Variants in SATB2 observed in about 807,000 individuals in gnomAD.
SATB2 encodes DNA-binding protein SATB2.
Under a neutral mutation model 73.4 loss-of-function variants are expected in SATB2, and 1 was observed. The observed-to-expected ratio is 0.01, with a 90% CI of 0.00 to 0.06. The LOEUF (loss-of-function observed/expected upper bound fraction) is 0.06. SATB2 is among the 10% of genes least tolerant of loss of function. The pLI, the probability that SATB2 is intolerant of heterozygous loss-of-function variation, is 1.00. For synonymous variants in SATB2, 397 were observed against 367.0 expected (o/e 1.08, Z -0.93); for missense variants, 459 against 945.8 (o/e 0.49, Z 6.75).
chr2:199,380,287 AAGCAGAAGGAACCCCCTGATAG>A, intron 5 of SATB2, 55 bp downstream of exon 5: 1 of 1,557,200 alleles, frequency 6.4e-7, no homozygotes, highest in South Asian at 1.1e-5. Flanking sequence ...ACAGTTGTTT[AAGCAGAAGGAACCCCCTGATAG>A]AGAGTCTACC....
Position 199,315,949 on chromosome 2 carries a change from A to G in SATB2, c.1543-6992T>C, listed in dbSNP as rs868301667. 4.5e-4 allele frequency among the ~76,000 whole-genome samples: 69 copies of G among 152,234 alleles called. 1 individual carries two copies. Among genetic ancestry groups the G allele is most frequent in the African/African-American group, 1.5e-3 (64 of 41,484 alleles). On this transcript the variant is annotated intron_variant, in intron 9 of 10. Coordinates refer to ENST00000417098, the MANE Select transcript of SATB2 (RefSeq NM_001172509.2). ...TATCTCAGCAAATGAACAGTTCTTCAGGAGAATGACTCATAGATTCTTGCA... is the reference window on the plus strand; with the variant it reads ...TATCTCAGCAAATGAACAGTTCTTCGGGAGAATGACTCATAGATTCTTGCA...
chr2:199,288,011 G>A (rs2105736954), intron 10 of SATB2, among the ~76,000 whole-genome samples: 1 of 152,216 alleles, frequency 6.6e-6, no homozygotes, highest in East Asian at 1.9e-4. Context: ...TTCTTTTAGT[G>A]TGAATAAACA....
At chr2:199,363,332 C>T (rs1473905695) in intron 6 of SATB2, among the ~76,000 whole-genome samples, 2 of 152,198 alleles carry the variant, frequency 1.3e-5, no homozygotes, top group East Asian at 1.9e-4. Context: ...TCTATGAATC[C>T]GATATTTGTG....
intron 9 of SATB2, among the ~76,000 whole-genome samples, chr2:199,314,158 G>C (rs1687666872): frequency 6.6e-6 from 1 of 152,144 alleles, no homozygotes; most frequent in Non-Finnish European, 1.5e-5. Context: ...ATTCCCATCA[G>C]AACAGTTAGC....
intron 3 of SATB2, among the ~76,000 whole-genome samples, chr2:199,412,983 G>GC (rs567033680): frequency 6.6e-6 from 1 of 152,164 alleles, no homozygotes; most frequent in Non-Finnish European, 1.5e-5. Context: ...GTAAATAAAT[G>GC]CAAGTACTGT....
At chr2:199,299,054 T>C (rs1359628923) in intron 10 of SATB2, among the ~76,000 whole-genome samples, 1 of 152,192 alleles carries the variant, frequency 6.6e-6, no homozygotes, top group Non-Finnish European at 1.5e-5. Context: ...GTTTGGTTCA[T>C]GTACTAACGA....
intron 3 of SATB2, among the ~76,000 whole-genome samples, chr2:199,394,714 C>G (rs574196695): frequency 8.4e-4 from 128 of 152,118 alleles, no homozygotes; most frequent in African/African-American, 3.0e-3. Flanking sequence ...CAGAGTGAGA[C>G]CCTGCCTCTA....
At position 199,394,475 on chromosome 2, in the gene SATB2, A is replaced by G. The variant is rs1690241032; in HGVS notation, c.347-12655T>C. Among the ~76,000 whole-genome samples the G allele has an allele frequency of 2.0e-5, 3 of 152,160 alleles. No homozygotes were observed. The South Asian group carries it at 6.2e-4, about 32-fold the overall frequency. On this transcript the variant is annotated intron_variant, in intron 3 of 10. Transcript: ENST00000417098. ...AGAACTGTATGAGAGCTAATACTGT[A>G]GATTTCTATTACATTCTATTAGAAA...
chr2:199,410,153 C>A (rs1404077927), intron 3 of SATB2, among the ~76,000 whole-genome samples: 1 of 152,108 alleles, frequency 6.6e-6, no homozygotes, highest in Non-Finnish European at 1.5e-5. Context: ...AGAATAAAAC[C>A]TTTGTTTAAA....
At chr2:199,337,405 A>G (rs1688366776) in intron 7 of SATB2, among the ~76,000 whole-genome samples, 1 of 152,182 alleles carries the variant, frequency 6.6e-6, no homozygotes, top group Admixed American at 6.6e-5. Context: ...TTATTAGTGG[A>G]TCATAATTAA....
intron 5 of SATB2, among the ~76,000 whole-genome samples, chr2:199,372,504 A>G (rs1689479481): frequency 6.6e-6 from 1 of 152,220 alleles, no homozygotes; most frequent in Non-Finnish European, 1.5e-5. Flanking sequence ...AATAGATGTC[A>G]CATATGATTA....
chr2:199,386,685 C>G (rs562046705), intron 3 of SATB2, among the ~76,000 whole-genome samples: 3 of 95,720 alleles, frequency 3.1e-5, no homozygotes, highest in African/African-American at 1.9e-4. Flanking sequence ...ATATTTCATA[C>G]ACGTGCGCAA....
intron 2 of SATB2, among the ~76,000 whole-genome samples, chr2:199,447,159 T>A (rs1373161479): frequency 6.6e-6 from 1 of 152,050 alleles, no homozygotes; most frequent in African/African-American, 2.4e-5. Context: ...GAGTAACAAA[T>A]ACAGCCCAGA....
At chr2:199,378,400 C>T (rs1466005891) in intron 5 of SATB2, among the ~76,000 whole-genome samples, 1 of 152,204 alleles carries the variant, frequency 6.6e-6, no homozygotes, top group Non-Finnish European at 1.5e-5. Context: ...ACAGCTTTTC[C>T]TAACTTGTTC....
intron 2 of SATB2, among the ~76,000 whole-genome samples, chr2:199,448,365 A>C (rs753763424): frequency 6.6e-6 from 1 of 152,142 alleles, no homozygotes; most frequent in Non-Finnish European, 1.5e-5. Flanking sequence ...CATGGCATCC[A>C]ATCAAATTTG....
intron 2 of SATB2, among the ~76,000 whole-genome samples, chr2:199,451,001 G>A (rs1692106530): frequency 2.0e-5 from 3 of 151,822 alleles, no homozygotes; most frequent in Admixed American, 6.6e-5. Flanking sequence ...TACAGACTTT[G>A]CTGGTTACAA....
At chr2:199,338,305 T>C (rs1363780107) in intron 7 of SATB2, among the ~76,000 whole-genome samples, 4 of 151,616 alleles carry the variant, frequency 2.6e-5, no homozygotes, top group African/African-American at 9.7e-5. Context: ...GAGGCAGAGG[T>C]TGCAGTGAGC....
At chr2:199,421,508 C>T (rs1691168640) in intron 3 of SATB2, among the ~76,000 whole-genome samples, 1 of 152,170 alleles carries the variant, frequency 6.6e-6, no homozygotes, top group Non-Finnish European at 1.5e-5. Context: ...CTACTGCACA[C>T]AGCAAAAAAC....
At chr2:199,453,358 A>C (rs12478469) in intron 2 of SATB2, among the ~76,000 whole-genome samples, 1 of 151,970 alleles carries the variant, frequency 6.6e-6, no homozygotes, top group Non-Finnish European at 1.5e-5. Context: ...TGTATCCATC[A>C]TTACACCATT....
Sources: allele counts gnomAD v4.1 joint callset (sites outside exome capture counted in the v4.1 genomes callset), GRCh38; gene constraint gnomAD v4.1.1; transcripts MANE v1.5; gene names NCBI Gene and HGNC (gene_info 2026-07-23, HGNC 2026-07-21).